Variants in NID1 observed in about 807,000 individuals in gnomAD.
NID1 encodes the protein nidogen 1, also known as nidogen-1.
In NID1, 76 loss-of-function variants were observed where a neutral mutation model predicts 130.6. That is an observed-to-expected ratio of 0.58 (90% confidence interval 0.48 to 0.70). The LOEUF is 0.70. Ranked by LOEUF, NID1 falls within the 30% of genes least tolerant of loss-of-function variation. The probability of loss-of-function intolerance (pLI) is 0.00; values close to 1 mark genes in which losing one functional copy is unlikely to be tolerated. For missense variants in NID1, 1,517 were observed against 1,664.8 expected, an observed-to-expected ratio of 0.91 and a Z score of 1.54; for synonymous variants, 665 against 675.1, an observed-to-expected ratio of 0.98 and a Z score of 0.23.
intron 5 of NID1, among the ~76,000 whole-genome samples, chr1:236,033,552 A>C (rs1323628448): frequency 6.6e-6 from 1 of 152,222 alleles, no homozygotes; most frequent in Non-Finnish European, 1.5e-5. Context: ...CTACACAGTC[A>C]TGCCCTCTGA....
At chr1:236,052,823 C>T (rs1659799513) in intron 1 of NID1, among the ~76,000 whole-genome samples, 2 of 152,310 alleles carry the variant, frequency 1.3e-5, no homozygotes, top group South Asian at 2.1e-4. Context: ...CAGGGTGGCT[C>T]CTGCCTGGCA....
intron 13 of NID1, among the ~76,000 whole-genome samples, chr1:235,993,359 C>A (rs566938481): frequency 6.7e-6 from 1 of 149,754 alleles, no homozygotes; most frequent in Non-Finnish European, 1.5e-5. Context: ...TTACAGGTAC[C>A]GCTGTGGCAG....
chr1:236,055,464 A>G (rs1386039164), intron 1 of NID1, among the ~76,000 whole-genome samples: 1 of 151,932 alleles, frequency 6.6e-6, no homozygotes, highest in Non-Finnish European at 1.5e-5. Context: ...TATATTTGAA[A>G]TTTTTCATAA....
At chr1:236,064,776 C>A (rs1037730544) in intron 1 of NID1, 79 bp downstream of exon 1, 1 of 1,407,666 alleles carries the variant, frequency 7.1e-7, no homozygotes, top group Non-Finnish European at 9.8e-7. Context: ...CTGCTACGCC[C>A]AAGTCCGTCC....
chr1:235,977,890 C>T lies in NID1; in HGVS notation c.3721G>A (p.Val1241Ile), dbSNP rs376658143. The change falls in exon 20 of 20, where the codon GTT becomes ATT. Residue 1241 changes from valine to isoleucine, a missense_variant. By Grantham distance (29) the Val-to-Ile change is conservative. Around this residue, in one of 3 missense-constraint regions of NID1, gnomAD observed 181 missense variants for 211.3 expected, o/e 0.86. Coordinates refer to ENST00000264187, the MANE Select transcript of NID1 (RefSeq NM_002508.3). ...TCRCPDNTLG[V>I]DCIEQK Reference sequence around the variant, plus strand: ...CTTCATTTCTGTTCGATACAGTCAACTCCCAAGGTGTTGTCAGGGCAACGG... The same window carrying T: ...CTTCATTTCTGTTCGATACAGTCAATTCCCAAGGTGTTGTCAGGGCAACGG... 1.2e-5 allele frequency: 19 copies of T among 1,614,076 alleles called. No individual in the cohort carries two copies. In the African/African-American group the frequency reaches 2.5e-4, roughly 22 times the overall value.
At position 235,977,095 on chromosome 1, in the gene NID1, A is replaced by G. The variant is rs1440289062; in HGVS notation, c.*772T>C. The G allele has an allele frequency of 3.3e-5, 5 of 152,042 alleles. No homozygotes were observed. 9.4% of individuals were successfully genotyped at this position (152,042 alleles called of 1,614,324 possible). On this transcript the variant is annotated 3_prime_UTR_variant, in exon 20 of 20. Coordinates refer to ENST00000264187, the MANE Select transcript of NID1 (RefSeq NM_002508.3). ...ACATCAAAAAAATCCCCTATTCTCA[A>G]ATATCTGACCTACACCTTGAAATTC... is the stretch of plus-strand genomic sequence containing the variant.
chr1:236,004,482 G>T (rs909892834), intron 12 of NID1, among the ~76,000 whole-genome samples: 2 of 152,200 alleles, frequency 1.3e-5, no homozygotes, highest in African/African-American at 4.8e-5. Context: ...TAAAGACTAA[G>T]CCAGGCGCGG....
intron 5 of NID1, among the ~76,000 whole-genome samples, chr1:236,033,212 G>A (rs1558440922): frequency 6.6e-6 from 1 of 152,330 alleles, no homozygotes; most frequent in South Asian, 2.1e-4. Context: ...GGAGGCTGAG[G>A]TGGGATAATC....
chr1:236,028,143 TAGA>T (rs752912376), intron 7 of NID1, among the ~76,000 whole-genome samples: 38 of 152,092 alleles, frequency 2.5e-4, no homozygotes, highest in Non-Finnish European at 4.9e-4. Flanking sequence ...CTTTAGAAAG[TAGA>T]AGAATGGTTT....
intron 1 of NID1, among the ~76,000 whole-genome samples, chr1:236,056,591 C>T (rs1447723312): frequency 3.3e-5 from 5 of 152,190 alleles, no homozygotes; most frequent in Admixed American, 1.3e-4. Context: ...TTCCTTCTAT[C>T]GAACTGTATG....
intron 9 of NID1, among the ~76,000 whole-genome samples, chr1:236,020,164 G>C (rs1311727463): frequency 6.6e-6 from 1 of 151,256 alleles, no homozygotes; most frequent in Non-Finnish European, 1.5e-5. Flanking sequence ...CACAGTATCT[G>C]CTAGAAAATG....
intron 1 of NID1, among the ~76,000 whole-genome samples, chr1:236,056,897 A>C (rs546504222): frequency 4.6e-4 from 69 of 150,776 alleles, no homozygotes; most frequent in South Asian, 6.2e-4. Flanking sequence ...CCAGGAAAAA[A>C]AAAAACAAAA....
At chr1:235,980,330 T>C (rs540384913) in intron 17 of NID1, among the ~76,000 whole-genome samples, 166 bp downstream of exon 17, 1 of 152,350 alleles carries the variant, frequency 6.6e-6, no homozygotes, top group African/African-American at 2.4e-5. Context: ...TACAATTTTG[T>C]ACCAGTATAT....
Position 236,012,052 on chromosome 1 carries a change from C to T in NID1, c.2405-9G>A, listed in dbSNP as rs2102816249. The T allele has an allele frequency of 1.2e-6, 2 of 1,609,954 alleles. No homozygotes were observed. The highest frequency in any genetic ancestry group is 2.2e-5 in the South Asian group (2 of 91,020). The stretch of plus-strand genomic sequence containing the variant: ...CTGGCATTCATCTACATCTGTAAAA[C>T]AGCCACCAGGCCCAGGGACAATGAG... On this transcript the variant is annotated splice_polypyrimidine_tract_variant and intron_variant, in intron 11 of 19. Transcript: ENST00000264187.
intron 12 of NID1, among the ~76,000 whole-genome samples, chr1:236,008,523 T>C (rs1658315184): frequency 6.6e-6 from 1 of 152,152 alleles, no homozygotes; most frequent in South Asian, 2.1e-4. Flanking sequence ...TATTTAGAGA[T>C]GGAGTCTTTC....
chr1:236,004,158 A>C (rs1180822090), intron 12 of NID1, among the ~76,000 whole-genome samples: 4 of 152,094 alleles, frequency 2.6e-5, no homozygotes. Flanking sequence ...AGCTGACTGC[A>C]GTGGTTAGAG....
chr1:236,009,858 T>C (rs1463987166), intron 12 of NID1, among the ~76,000 whole-genome samples: 3 of 152,182 alleles, frequency 2.0e-5, no homozygotes, highest in South Asian at 2.1e-4. Context: ...TATAACCAAA[T>C]GTTAAACTTC....
Position 236,032,109 on chromosome 1 carries a change from T to C in NID1, c.1537+292A>G, listed in dbSNP as rs370913763. 6.0e-4 allele frequency among the ~76,000 whole-genome samples: 91 copies of C among 152,312 alleles called. 1 individual carries two copies. In the South Asian group the frequency reaches 0.019, roughly 31 times the overall value. On this transcript the variant is annotated intron_variant, in intron 6 of 19. Transcript: ENST00000264187. ...AGTTGTGAGGTTCTACGAGCTGATATCACTTGTTCTGCCAGAAACGCCTAA... is the reference window on the plus strand; with the variant it reads ...AGTTGTGAGGTTCTACGAGCTGATACCACTTGTTCTGCCAGAAACGCCTAA...
chr1:236,031,346 C>T (rs1250581694), intron 6 of NID1, among the ~76,000 whole-genome samples: 2 of 152,226 alleles, frequency 1.3e-5, no homozygotes, highest in African/African-American at 4.8e-5. Context: ...TCTCAATCTC[C>T]TGACCTTGTG....
Sources: allele counts gnomAD v4.1 joint callset (sites outside exome capture counted in the v4.1 genomes callset), GRCh38; gene constraint gnomAD v4.1.1; regional missense constraint gnomAD v4.1.1; transcripts MANE v1.5; gene names NCBI Gene and HGNC (gene_info 2026-07-23, HGNC 2026-07-21).